Variants in MAPKAPK5 observed in about 807,000 individuals in gnomAD.
The protein encoded by MAPKAPK5 is MAPK activated protein kinase 5.
Under a neutral mutation model 65.1 loss-of-function variants are expected in MAPKAPK5, and 30 were observed. That is an observed-to-expected ratio of 0.46 (90% CI 0.34 to 0.63). The LOEUF (loss-of-function observed/expected upper bound fraction) is 0.63, where lower values mean the gene tolerates loss of function less well. Among genes scored for constraint, MAPKAPK5 ranks in the 20% least tolerant of loss-of-function variants. The pLI, the probability that MAPKAPK5 is intolerant of heterozygous loss-of-function variation, is 0.01. For synonymous variants in MAPKAPK5, 179 were observed against 204.6 expected, an observed-to-expected ratio of 0.87 and a Z score of 1.07; for missense variants, 433 against 581.4, an observed-to-expected ratio of 0.74 and a Z score of 2.63.
At chr12:111,885,575 G>A in intron 9 of MAPKAPK5, 1 of 191,270 alleles carries the variant, frequency 5.2e-6, no homozygotes, top group Non-Finnish European at 1.1e-5. Context: ...GGAAGTTAAA[G>A]CCCATTGTCC....
rs2070729461 is a variant in MAPKAPK5, at chr12:111,894,492, T to TATAATTA, written c.*1434_*1440dup. On this transcript the variant is annotated 3_prime_UTR_variant, in exon 14 of 14. Transcript: ENST00000550735. ...GAATAACTTGTCCGAGAAATTTACA[T>TATAATTA]ATAATTAATTGAAGTGGGACTATTG... The TATAATTA allele has an allele frequency of 1.3e-5, 2 of 152,174 alleles. No individual in the cohort carries two copies. The highest frequency in any genetic ancestry group is 4.8e-5 in the African/African-American group (2 of 41,424). 9.4% of individuals were successfully genotyped at this position (152,174 alleles called of 1,614,324 possible).
chr12:111,885,685 C>A, intron 9 of MAPKAPK5: 1 of 490,286 alleles, frequency 2.0e-6, no homozygotes, highest in Non-Finnish European at 3.6e-6. Context: ...CTGGATTAAG[C>A]CCTTTTCTAC....
intron 1 of MAPKAPK5, among the ~76,000 whole-genome samples, chr12:111,846,110 T>G (rs7137386): frequency 0.46 from 69,300 of 152,068 alleles, 20,076 homozygotes; most frequent in East Asian, 0.9. Context: ...ATTTGGGCAT[T>G]TCCAGCCAAT....
At chr12:111,850,213 G>A (rs2069032568) in intron 1 of MAPKAPK5, among the ~76,000 whole-genome samples, 1 of 151,896 alleles carries the variant, frequency 6.6e-6, no homozygotes, top group Non-Finnish European at 1.5e-5. Context: ...CTTTTTAATA[G>A]AGACGGGGTT....
intron 1 of MAPKAPK5, among the ~76,000 whole-genome samples, chr12:111,852,704 C>T (rs1223355150): frequency 1.3e-5 from 2 of 152,030 alleles, no homozygotes; most frequent in African/African-American, 4.8e-5. Context: ...TTCTTTAGGG[C>T]TTCTTCAGTT....
intron 7 of MAPKAPK5, among the ~76,000 whole-genome samples, chr12:111,879,074 G>A (rs1475637861): frequency 6.6e-6 from 1 of 152,168 alleles, no homozygotes; most frequent in Non-Finnish European, 1.5e-5. Context: ...AGTTTTGACT[G>A]GGGTTGTTTT....
chr12:111,864,491 C>T (rs1593146431), intron 1 of MAPKAPK5, among the ~76,000 whole-genome samples: 1 of 152,078 alleles, frequency 6.6e-6, no homozygotes, highest in South Asian at 2.1e-4. Flanking sequence ...TGAGCCCGGC[C>T]GAGACCCTGT....
chr12:111,861,464 G>A (rs1372416615), intron 1 of MAPKAPK5, among the ~76,000 whole-genome samples: 2 of 151,994 alleles, frequency 1.3e-5, no homozygotes, highest in Non-Finnish European at 2.9e-5. Flanking sequence ...AAGTAGCTGG[G>A]ATTACAGGCG....
At chr12:111,869,044 G>A (rs1337761920) in intron 5 of MAPKAPK5, among the ~76,000 whole-genome samples, 183 bp downstream of exon 5, 1 of 152,150 alleles carries the variant, frequency 6.6e-6, no homozygotes, top group Non-Finnish European at 1.5e-5. Flanking sequence ...ACTTGGGGGT[G>A]GGGGTACTGT....
chr12:111,857,296 C>CAG (rs2136086344), intron 1 of MAPKAPK5, among the ~76,000 whole-genome samples: 1 of 149,994 alleles, frequency 6.7e-6, no homozygotes, highest in African/African-American at 2.5e-5. Context: ...GGCTAGAGTG[C>CAG]AGTGGTATGA....
chr12:111,845,508 T>G (rs532829559), intron 1 of MAPKAPK5, among the ~76,000 whole-genome samples: 32 of 152,346 alleles, frequency 2.1e-4, no homozygotes, highest in Non-Finnish European at 4.6e-4. Context: ...ACTTCACTTC[T>G]GTCTCGTTAG....
At chr12:111,873,586 G>T (rs146693368) in intron 7 of MAPKAPK5, among the ~76,000 whole-genome samples, 18 of 152,052 alleles carry the variant, frequency 1.2e-4, no homozygotes, top group Non-Finnish European at 1.9e-4. Context: ...CTCGTGATCC[G>T]CCTGCTTCGG....
Position 111,890,040 on chromosome 12 carries a change from G to C in MAPKAPK5, c.1217G>C (p.Gly406Ala). The C allele has an allele frequency of 6.3e-7, 1 of 1,577,586 alleles. No homozygotes were observed. Residue 406 changes from glycine (G) to alanine (A), a missense_variant and splice_region_variant, in exon 13 of 14, where the codon GGA becomes GCA. Physicochemically the swap from Gly to Ala is moderately conservative, Grantham distance 60. This residue lies in a region of MAPKAPK5 where 169 missense variants were observed against 215.6 expected (regional missense o/e 0.78). Coordinates refer to ENST00000550735, the MANE Select transcript of MAPKAPK5 (RefSeq NM_003668.4). Reference sequence around the variant, plus strand: ...AATTCCTCTTCATCCTTACCAATAGGAGAGAATGAAGATGAGAAACTGAAT... The same window carrying C: ...AATTCCTCTTCATCCTTACCAATAGCAGAGAATGAAGATGAGAAACTGAAT... ...VIAQCILPQA[G>A]ENEDEKLNEV...
chr12:111,864,774 A>C (rs2069549841), intron 1 of MAPKAPK5, among the ~76,000 whole-genome samples: 1 of 152,132 alleles, frequency 6.6e-6, no homozygotes, highest in Non-Finnish European at 1.5e-5. Flanking sequence ...TTTTTTTTGA[A>C]CTTTTAAGTC....
At chr12:111,859,904 C>G (rs1185002798) in intron 1 of MAPKAPK5, among the ~76,000 whole-genome samples, 1 of 152,150 alleles carries the variant, frequency 6.6e-6, no homozygotes, top group Non-Finnish European at 1.5e-5. Flanking sequence ...CCGCCTCAGC[C>G]TCCCAAAGTG....
At chr12:111,843,425 CT>C in intron 1 of MAPKAPK5, 1 of 396,720 alleles carries the variant, frequency 2.5e-6, no homozygotes, top group Non-Finnish European at 4.4e-6. Context: ...TTTCTAAAAC[CT>C]GTTTTTAACT....
rs577141505 is a variant in MAPKAPK5 at position 111,888,710 on chromosome 12, G to A, written c.1100+92G>A. 11 of 1,562,808 alleles carry A rather than the reference G, an allele frequency of 7.0e-6. No homozygotes were observed. The South Asian group carries it at 1.2e-4, about 17-fold the overall frequency. ...TAAGAAATTTAACTTGCTCAGCTAGGGGTCTTTAGCCTCTGAAGAGGGTGG... is the reference window on the plus strand; with the variant it reads ...TAAGAAATTTAACTTGCTCAGCTAGAGGTCTTTAGCCTCTGAAGAGGGTGG... On this transcript the variant is annotated intron_variant, in intron 11 of 13. Coordinates refer to ENST00000550735, the MANE Select transcript of MAPKAPK5 (RefSeq NM_003668.4).
Position 111,893,691 on chromosome 12 carries a change from A to G in MAPKAPK5, c.*630A>G, listed in dbSNP as rs1343542674. ...TACTGGTGTGTTTCTTAAATCTAAC[A>G]GGGTTTTCTTTTGGGTTTATTCTTT... On this transcript the variant is annotated 3_prime_UTR_variant, in exon 14 of 14. Coordinates refer to ENST00000550735, the MANE Select transcript of MAPKAPK5 (RefSeq NM_003668.4). 6.7e-6 allele frequency: 1 copy of G among 149,274 alleles called. No homozygotes were observed. The highest frequency in any genetic ancestry group is 6.7e-5 in the Admixed American group (1 of 14,978). The allele number at this position is 149,274 out of a possible 1,614,324, so 9.2% of individuals were successfully genotyped here. A position where few individuals can be genotyped will look rare whatever the true frequency, so the allele number is the denominator to read the frequency against.
chr12:111,868,735 T>C lies in MAPKAPK5; in HGVS notation c.285-18T>C. The C allele has an allele frequency of 1.4e-6, 2 of 1,400,174 alleles. No individual in the cohort carries two copies. The highest frequency in any genetic ancestry group is 2.0e-6 in the Non-Finnish European group (2 of 1,023,388). The allele number at this position is 1,400,174 out of a possible 1,614,324, so 86.7% of individuals were successfully genotyped here. On this transcript the variant is annotated intron_variant, in intron 4 of 13. Coordinates refer to ENST00000550735, the MANE Select transcript of MAPKAPK5 (RefSeq NM_003668.4). The stretch of plus-strand genomic sequence containing the variant: ...TTTTTTTTTTTTTAACTTAACAAAA[T>C]CAAATGCTTTCAAACAGGGCCCGAC...
Sources: allele counts gnomAD v4.1 joint callset (sites outside exome capture counted in the v4.1 genomes callset), GRCh38; gene constraint gnomAD v4.1.1; regional missense constraint gnomAD v4.1.1; transcripts MANE v1.5; gene names NCBI Gene and HGNC (gene_info 2026-07-23, HGNC 2026-07-21).